Variants in ERCC1 observed in about 807,000 individuals in gnomAD.
The protein encoded by ERCC1 is DNA excision repair protein ERCC-1.
Under a neutral mutation model 37.6 loss-of-function variants are expected in ERCC1, and 36 were observed. The ratio of observed to expected loss-of-function variants is 0.96; its 90% CI spans 0.73 to 1.26. The LOEUF is 1.26. Among genes scored for constraint, ERCC1 ranks in the 50% most tolerant of loss-of-function variants. The pLI is 0.00. For synonymous variants in ERCC1, 156 were observed against 162.1 expected (o/e 0.96, Z 0.28); for missense variants, 349 against 376.5 (o/e 0.93, Z 0.60).
At chr19:45,443,428 A>G (rs978422163) in intron 1 of ERCC1, among the ~76,000 whole-genome samples, 3 of 152,280 alleles carry the variant, frequency 2.0e-5, no homozygotes, top group Admixed American at 1.3e-4. Context: ...GGGGATCGCT[A>G]AGAACACCCC....
At chr19:45,411,126 G>A (rs568701016) in intron 9 of ERCC1, among the ~76,000 whole-genome samples, 17 of 152,168 alleles carry the variant, frequency 1.1e-4, no homozygotes, top group African/African-American at 4.1e-4. Context: ...GCCCAGCCAG[G>A]ATCTCATTCT....
At chr19:45,418,822 TCAAACAAA>T (rs111532874) in intron 5 of ERCC1, among the ~76,000 whole-genome samples, 24 of 152,202 alleles carry the variant, frequency 1.6e-4, no homozygotes, top group Non-Finnish European at 3.1e-4. Flanking sequence ...AAACTCCGTC[TCAAACAAA>T]CAAACAAACA....
rs1974348075 is a variant in ERCC1 at position 45,420,466 on chromosome 19, G to A, written c.322-39C>T. ...AAGGGCAGAAGCCATCAATAGGGATGACCCTTGATAACCACAGGGCCCTCC... is the reference window on the plus strand; with the variant it reads ...AAGGGCAGAAGCCATCAATAGGGATAACCCTTGATAACCACAGGGCCCTCC... On this transcript the variant is annotated intron_variant, in intron 3 of 9. Coordinates refer to ENST00000300853, the MANE Select transcript of ERCC1 (RefSeq NM_001983.4). This position sits in a 1 kb window ranked among gnomAD's most constrained non-coding sequence, Gnocchi z 4.8. 7.4e-7 allele frequency: 1 copy of A among 1,351,602 alleles called. No individual in the cohort carries two copies. The highest frequency in any genetic ancestry group is 1.1e-6 in the Non-Finnish European group (1 of 949,332). 83.7% of individuals were successfully genotyped at this position (1,351,602 alleles called of 1,614,324 possible).
In ERCC1 at chr19:45,433,036, C is replaced by T. The variant is rs533370836; in HGVS notation, c.-7-9655G>A. ...CGGAGTTTGCGGTGAGCCGAGATCG[C>T]GCCACTGCACTCCAGCCTGGGCAAC... On this transcript the variant is annotated intron_variant, in intron 1 of 8. Coordinates refer to the ERCC1 transcript ENST00000423698. Among the ~76,000 whole-genome samples the T allele has an allele frequency of 7.9e-5, 12 of 152,024 alleles. No individual in the cohort carries two copies. The East Asian group carries it at 2.1e-3, about 27-fold the overall frequency.
intron 6 of ERCC1, chr19:45,415,801 C>A (rs765457030): frequency 7.2e-5 from 33 of 455,962 alleles, no homozygotes; most frequent in South Asian, 5.0e-4. Context: ...CCCTGGGTAA[C>A]CCTGGGCCAG....
Position 45,416,837 on chromosome 19 carries a change from A to C in ERCC1, c.586T>G (p.Leu196Val). Residue 196 changes from leucine to valine, a missense_variant, in exon 6 of 10, where the codon TTG (leucine) becomes GTG (valine). Transcript: ENST00000300853. ...AKMCILADCT[L>V]ILAWSPEEAG... The stretch of plus-strand genomic sequence containing the variant: ...TCATCTCACCTCCAGGCGAGGATCA[A>C]TGTGCAGTCGGCCAGGATACACATC... The C allele has an allele frequency of 6.2e-7, 1 of 1,613,610 alleles. No individual in the cohort carries two copies. Among genetic ancestry groups the C allele is most frequent in the Non-Finnish European group, 8.5e-7 (1 of 1,179,624 alleles).
At position 45,408,312 on chromosome 19, in the gene ERCC1, T is replaced by A. The variant is rs1973473073; in HGVS notation, c.*1363A>T. On this transcript the variant is annotated 3_prime_UTR_variant, in exon 10 of 10. Transcript: ENST00000300853. The stretch of plus-strand genomic sequence containing the variant: ...TGTGCCTCAGCCCCCCAGGGCACCC[T>A]AAGGATCCTTGAGGGTCCCCAGCAA... 2.5e-6 allele frequency: 4 copies of A among 1,611,758 alleles called. No homozygotes were observed. Among genetic ancestry groups the A allele is most frequent in the Non-Finnish European group, 3.4e-6 (4 of 1,178,616 alleles).
At chr19:45,414,567 G>A (rs1331183164) in intron 7 of ERCC1, 1 of 436,216 alleles carries the variant, frequency 2.3e-6, no homozygotes, top group Non-Finnish European at 4.3e-6. Context: ...TGGGAGAAGT[G>A]AAGTGTGAAG....
At chr19:45,428,716 A>G (rs563098490), upstream of ERCC1, among the ~76,000 whole-genome samples, 40 of 152,274 alleles carry the variant, frequency 2.6e-4, 1 homozygote, top group South Asian at 7.9e-3. Context: ...GGGGGCGGAG[A>G]GCAGCCCGGC....
Position 45,420,199 on chromosome 19 carries a change from A to C in ERCC1, c.425+125T>G, listed in dbSNP as rs573294891. Reference sequence around the variant, plus strand: ...CTGCCTCCAACACAGGGTCCCACCAAGGCCCAGAACCTGCAGGACCATGCC... The same window carrying C: ...CTGCCTCCAACACAGGGTCCCACCACGGCCCAGAACCTGCAGGACCATGCC... On this transcript the variant is annotated intron_variant, in intron 4 of 9. Transcript: ENST00000300853. The surrounding 1 kb of genome is among the most constrained non-coding windows in gnomAD (Gnocchi z 4.8). 1.4e-6 allele frequency: 1 copy of C among 726,724 alleles called. No individual in the cohort carries two copies. Among genetic ancestry groups the C allele is most frequent in the East Asian group, 2.7e-5 (1 of 36,962 alleles). 45.0% of individuals were successfully genotyped at this position (726,724 alleles called of 1,614,324 possible). A position where few individuals can be genotyped will look rare whatever the true frequency, so the allele number is the denominator to read the frequency against.
chr19:45,422,736 A>T (rs1372255295), intron 2 of ERCC1, among the ~76,000 whole-genome samples: 1 of 152,144 alleles, frequency 6.6e-6, no homozygotes, highest in African/African-American at 2.4e-5. Context: ...CAGCCTGGGC[A>T]AAAGAGCGAG....
At chr19:45,438,111 C>A (rs557995156) in intron 1 of ERCC1, among the ~76,000 whole-genome samples, 1 of 152,128 alleles carries the variant, frequency 6.6e-6, no homozygotes, top group Non-Finnish European at 1.5e-5. Flanking sequence ...GGGATTTCAC[C>A]GTGTCAGCCA....
At chr19:45,414,329 T>G in intron 7 of ERCC1, 1 of 443,322 alleles carries the variant, frequency 2.3e-6, no homozygotes, top group Non-Finnish European at 4.2e-6. Flanking sequence ...ATACAAAAAT[T>G]AGACAGGCAT....
In ERCC1 at chr19:45,414,933, C is replaced by G; in HGVS notation, c.630G>C (p.Glu210Asp). The G allele has an allele frequency of 6.2e-7, 1 of 1,613,798 alleles. No individual in the cohort carries two copies. The highest frequency in any genetic ancestry group is 8.5e-7 in the Non-Finnish European group (1 of 1,179,806). The change falls in exon 7 of 10, where the codon GAG (glutamate) becomes GAC (aspartate). Residue 210 changes from glutamate (E) to aspartate (D), a missense_variant. By Grantham distance (45) the Glu-to-Asp change is conservative (BLOSUM62 2). Transcript: ENST00000300853. ...WSPEEAGRYL[E>D]TYKAYEQKPA... ...GTTTCTGCTCATAGGCCTTGTAGGT[C>G]TCCAGGTACCGCCCAGCTTCCTCGG...
chr19:45,447,721 G>A (rs374772816), intron 1 of ERCC1, among the ~76,000 whole-genome samples: 57 of 152,226 alleles, frequency 3.7e-4, no homozygotes, highest in African/African-American at 1.3e-3. Flanking sequence ...GTCCCTGGCT[G>A]TGTGTTTCCA....
intron 1 of ERCC1, among the ~76,000 whole-genome samples, chr19:45,451,470 T>C (rs940203730): frequency 1.2e-4 from 19 of 152,284 alleles, no homozygotes; most frequent in South Asian, 2.1e-4. Context: ...CTTGGGGTTC[T>C]CTTGCCTGTC....
intron 1 of ERCC1, among the ~76,000 whole-genome samples, chr19:45,434,915 A>G (rs1466967197): frequency 6.6e-6 from 1 of 151,716 alleles, no homozygotes; most frequent in African/African-American, 2.4e-5. Flanking sequence ...AGCTGGGATT[A>G]CAGGCATGCA....
At chr19:45,412,014 A>C (rs1325098304) in intron 9 of ERCC1, among the ~76,000 whole-genome samples, 2 of 150,820 alleles carry the variant, frequency 1.3e-5, no homozygotes. Flanking sequence ...CCACCACCAC[A>C]CCCAGCTAAT....
At chr19:45,413,861 C>G in intron 8 of ERCC1, 102 bp downstream of exon 8, 1 of 1,576,912 alleles carries the variant, frequency 6.3e-7, no homozygotes, top group Non-Finnish European at 8.7e-7. Context: ...GAAGGCAGGA[C>G]GGGCAAGGGG....
Sources: allele counts gnomAD v4.1 joint callset (sites outside exome capture counted in the v4.1 genomes callset), GRCh38; gene constraint gnomAD v4.1.1; non-coding constraint Gnocchi (gnomAD v3.1); transcripts MANE v1.5; gene names NCBI Gene and HGNC (gene_info 2026-07-23, HGNC 2026-07-21).